SORL1: variants seen among roughly 807,000 people sequenced by gnomAD.
SORL1 encodes the protein sortilin related receptor 1.
Under a neutral mutation model 273.7 loss-of-function variants are expected in SORL1, and 127 were observed. The ratio of observed to expected loss-of-function variants is 0.46; its 90% CI spans 0.40 to 0.54. The LOEUF is 0.54. Ranked by LOEUF, SORL1 falls within the 20% of genes least tolerant of loss-of-function variation. The pLI is 0.00. For missense variants in SORL1, 2,494 were observed against 2,846.1 expected (o/e 0.88, Z 2.81); for synonymous variants, 1,031 against 1,067.4 (o/e 0.97, Z 0.66).
rs1282711686 is a variant in SORL1, at chr11:121,588,023, C to T, written c.3818C>T (p.Pro1273Leu). ...CCCTTCTCTGGATCCCTTACAGAGC[C>T]CCTCTGTACGCACTTCATGGACTTT... ...SDGSDEQHCE[P>L]LCTHFMDFVC... The change falls in exon 28 of 48, where the codon CCC becomes CTC. Residue 1273 changes from proline (P) to leucine (L), a missense_variant. Transcript: ENST00000260197. 6.2e-7 allele frequency: 1 copy of T among 1,613,054 alleles called. No homozygotes were observed.
At chr11:121,455,095 A>G (rs565944876) in intron 1 of SORL1, among the ~76,000 whole-genome samples, 2 of 152,178 alleles carry the variant, frequency 1.3e-5, no homozygotes, top group South Asian at 2.1e-4. Context: ...GTGTGGTTCT[A>G]TGGAGGTGCA....
chr11:121,523,828 G>GAGTT (rs1479003599), intron 11 of SORL1, among the ~76,000 whole-genome samples: 1 of 152,168 alleles, frequency 6.6e-6, no homozygotes, highest in Non-Finnish European at 1.5e-5. Context: ...GAGTGATGTG[G>GAGTT]AGTTCTCAGA....
At chr11:121,601,020 A>G (rs917322306) in intron 32 of SORL1, among the ~76,000 whole-genome samples, 1 of 149,036 alleles carries the variant, frequency 6.7e-6, no homozygotes, top group Non-Finnish European at 1.5e-5. Flanking sequence ...AACATTAGGT[A>G]TATCTCCCAG....
Position 121,621,170 on chromosome 11 carries a change from G to A in SORL1, c.5996G>A (p.Gly1999Asp). The A allele has an allele frequency of 6.2e-7, 1 of 1,614,158 alleles. No homozygotes were observed. ...VEYTLNKLEP[G>D]GKYHIIVQLG... ...TACACCCTTAACAAGTTGGAGCCTGGCGGGAAATACCACATCATTGTCCAA... is the reference window on the plus strand; with the variant it reads ...TACACCCTTAACAAGTTGGAGCCTGACGGGAAATACCACATCATTGTCCAA... Residue 1999 changes from glycine (G) to aspartate (D), a missense_variant, in exon 44 of 48, where the codon GGC becomes GAC. Physicochemically the swap from Gly to Asp is moderately conservative, Grantham distance 94 (BLOSUM62 -1). Around this residue, in one of 3 missense-constraint regions of SORL1, gnomAD observed 1,609 missense variants for 1,816.4 expected, o/e 0.89. Coordinates refer to ENST00000260197, the MANE Select transcript of SORL1 (RefSeq NM_003105.6).
chr11:121,622,382 A>C (rs908856934), intron 45 of SORL1, 114 bp downstream of exon 45: 9 of 613,808 alleles, frequency 1.5e-5, no homozygotes, highest in Non-Finnish European at 2.3e-5. Flanking sequence ...AGAAAGAAAA[A>C]GAATAGGACA....
intron 27 of SORL1, among the ~76,000 whole-genome samples, chr11:121,586,911 G>A (rs1021058645): frequency 1.3e-5 from 2 of 152,120 alleles, no homozygotes; most frequent in African/African-American, 4.8e-5. Context: ...GGACATTTAT[G>A]GTGCTCCTGG....
intron 1 of SORL1, among the ~76,000 whole-genome samples, chr11:121,464,142 C>A (rs979214595): frequency 1.3e-5 from 2 of 152,132 alleles, no homozygotes; most frequent in African/African-American, 4.8e-5. Flanking sequence ...CCTTGTACTG[C>A]GTTTTGGGAG....
chr11:121,564,459 TG>T (rs1173898892), intron 21 of SORL1, among the ~76,000 whole-genome samples: 1 of 152,214 alleles, frequency 6.6e-6, no homozygotes, highest in Admixed American at 6.5e-5. Flanking sequence ...TCTTCTTGCT[TG>T]TTTGGATAGG....
intron 22 of SORL1, among the ~76,000 whole-genome samples, chr11:121,567,679 C>T (rs1184114266): frequency 1.3e-5 from 2 of 152,178 alleles, no homozygotes; most frequent in African/African-American, 2.4e-5. Context: ...ACCCACTCCC[C>T]CTCTGAATTT....
chr11:121,479,438 C>A (rs1346870959), intron 3 of SORL1, among the ~76,000 whole-genome samples: 1 of 152,198 alleles, frequency 6.6e-6, no homozygotes, highest in Non-Finnish European at 1.5e-5. Context: ...CAAGCAAGAT[C>A]TACAGGGTCC....
rs770546408 is a variant in SORL1 at position 121,605,398 on chromosome 11, C to G, written c.4779-4C>G. The G allele has an allele frequency of 1.2e-5, 19 of 1,603,012 alleles. No individual in the cohort carries two copies. The highest frequency in any genetic ancestry group is 1.7e-4 in the Middle Eastern group (1 of 6,000). ...GACAATATCTTTATTTTTTTTTGGG[C>G]CAGGGTGGTTGGAGAGAGCATATGG... On this transcript the variant is annotated splice_polypyrimidine_tract_variant and splice_region_variant and intron_variant, in intron 34 of 47. Coordinates refer to ENST00000260197, the MANE Select transcript of SORL1 (RefSeq NM_003105.6).
intron 10 of SORL1, 33 bp downstream of exon 10, chr11:121,522,736 C>A: frequency 6.4e-7 from 1 of 1,554,950 alleles, no homozygotes; most frequent in South Asian, 1.1e-5. Flanking sequence ...AAAAGGGGTT[C>A]AGCTGTCTGG....
chr11:121,527,909 G>A (rs1035274257), intron 11 of SORL1, among the ~76,000 whole-genome samples: 1 of 151,916 alleles, frequency 6.6e-6, no homozygotes, highest in African/African-American at 2.4e-5. Context: ...CAAAGAATCT[G>A]CTTTTGGCTC....
At chr11:121,517,751 A>G (rs1470636668) in intron 8 of SORL1, among the ~76,000 whole-genome samples, 2 of 152,232 alleles carry the variant, frequency 1.3e-5, no homozygotes, top group African/African-American at 4.8e-5. Context: ...TCATAGGCCA[A>G]CGTCCCACTC....
intron 1 of SORL1, among the ~76,000 whole-genome samples, chr11:121,466,775 A>T (rs116620400): frequency 1.5e-3 from 234 of 152,156 alleles, no homozygotes; most frequent in African/African-American, 5.4e-3. Flanking sequence ...AGTTATTCTT[A>T]TGACCAGGAT....
At chr11:121,483,017 G>A (rs1197865557) in intron 3 of SORL1, among the ~76,000 whole-genome samples, 2 of 152,368 alleles carry the variant, frequency 1.3e-5, no homozygotes, top group Middle Eastern at 3.4e-3. Flanking sequence ...CCACATGGCA[G>A]TTCTGCCAAC....
At chr11:121,620,957 G>A in intron 43 of SORL1, 107 bp from the exon 44 acceptor site, 2 of 779,370 alleles carry the variant, frequency 2.6e-6, no homozygotes, top group Admixed American at 2.8e-5. Context: ...AACTCTTGTT[G>A]CTGTGGGTCC....
intron 12 of SORL1, among the ~76,000 whole-genome samples, chr11:121,541,520 T>C (rs1191354779): frequency 6.6e-6 from 1 of 152,210 alleles, no homozygotes; most frequent in Non-Finnish European, 1.5e-5. Flanking sequence ...AAATCGATTT[T>C]AATAATCTCA....
chr11:121,587,579 T>C (rs902603564), intron 27 of SORL1, among the ~76,000 whole-genome samples: 3 of 152,194 alleles, frequency 2.0e-5, no homozygotes, highest in African/African-American at 7.2e-5. Flanking sequence ...GGCTTCAACA[T>C]ACAAATTTTG....
Sources: allele counts gnomAD v4.1 joint callset (sites outside exome capture counted in the v4.1 genomes callset), GRCh38; gene constraint gnomAD v4.1.1; regional missense constraint gnomAD v4.1.1; transcripts MANE v1.5; gene names NCBI Gene and HGNC (gene_info 2026-07-23, HGNC 2026-07-21).